The following PHKA1 variants were observed in gnomAD, a reference collection of about 807,000 sequenced individuals.
The protein encoded by PHKA1 is phosphorylase b kinase regulatory subunit alpha, skeletal muscle isoform.
A neutral mutation model predicts 110.2 loss-of-function variants in PHKA1; 60 were observed. That is an observed-to-expected ratio of 0.54 (90% CI 0.44 to 0.68). PHKA1 has a LOEUF of 0.68. PHKA1 is among the 30% of genes least tolerant of loss of function. The pLI, the probability that PHKA1 is intolerant of heterozygous loss-of-function variation, is 0.00. For missense variants in PHKA1, 801 were observed against 942.5 expected, an observed-to-expected ratio of 0.85 and a Z score of 1.97; for synonymous variants, 316 against 333.6, an observed-to-expected ratio of 0.95 and a Z score of 0.58.
At chrX:72,586,620 C>A (rs782223243) in intron 29 of PHKA1, among the ~76,000 whole-genome samples, 1 of 110,693 alleles carries the variant, frequency 9.0e-6, no homozygotes, top group Non-Finnish European at 1.9e-5. Context: ...AGGTTGGTAA[C>A]AACAAACTTC....
intron 2 of PHKA1, among the ~76,000 whole-genome samples, chrX:72,709,866 C>A (rs368398228): frequency 9.2e-6 from 1 of 108,939 alleles, no homozygotes; most frequent in Non-Finnish European, 1.9e-5. Context: ...CATGGTGAAA[C>A]CCCATCTCTA....
At chrX:72,602,866 T>A (rs1011740961) in intron 26 of PHKA1, among the ~76,000 whole-genome samples, 7 of 112,151 alleles carry the variant, frequency 6.2e-5, no homozygotes, top group Non-Finnish European at 1.3e-4. Flanking sequence ...AGGCTTAAGA[T>A]AATGTGAGGG....
intron 4 of PHKA1, among the ~76,000 whole-genome samples, chrX:72,693,161 G>T (rs1249776568): frequency 9.0e-6 from 1 of 110,565 alleles, no homozygotes; most frequent in East Asian, 2.8e-4. Flanking sequence ...TTCCATTTTG[G>T]TCATAGAACA....
At chrX:72,596,490 G>T (rs1414669858) in intron 28 of PHKA1, among the ~76,000 whole-genome samples, 1 of 111,074 alleles carries the variant, frequency 9.0e-6, no homozygotes, top group African/African-American at 3.3e-5. Context: ...TTTGTAAACA[G>T]CAGCAATGAA....
intron 28 of PHKA1, among the ~76,000 whole-genome samples, chrX:72,595,032 C>T (rs782385673): frequency 5.4e-5 from 6 of 111,245 alleles, no homozygotes; most frequent in Non-Finnish European, 9.4e-5. Context: ...AATATAGATG[C>T]GAAAATCCTC....
At chrX:72,652,112 G>A (rs781922793) in intron 12 of PHKA1, among the ~76,000 whole-genome samples, 2 of 112,088 alleles carry the variant, frequency 1.8e-5, no homozygotes, top group Non-Finnish European at 3.8e-5. Flanking sequence ...AAGTCATGAT[G>A]TTCCTAGTCA....
At chrX:72,683,319 T>A (rs2053932096) in intron 5 of PHKA1, among the ~76,000 whole-genome samples, 1 of 111,795 alleles carries the variant, frequency 8.9e-6, no homozygotes, top group South Asian at 3.7e-4. Flanking sequence ...ATACCTTTAG[T>A]CACAACTACT....
chrX:72,636,558 T>C (rs2053233397), intron 14 of PHKA1, among the ~76,000 whole-genome samples, 172 bp from the exon 15 acceptor site: 1 of 112,258 alleles, frequency 8.9e-6, no homozygotes, highest in South Asian at 3.7e-4. Context: ...TTTTACAGTT[T>C]AGCATTCTGA....
At chrX:72,653,312 C>T in intron 11 of PHKA1, 123 bp downstream of exon 11, 1 of 523,322 alleles carries the variant, frequency 1.9e-6, no homozygotes, top group East Asian at 3.7e-5. Context: ...TGTCCTGTAC[C>T]TAAAGACAAG....
chrX:72,661,735 T>G (rs1556304193), intron 8 of PHKA1, among the ~76,000 whole-genome samples: 2 of 91,262 alleles, frequency 2.2e-5, no homozygotes. Context: ...ATGTTTGGAA[T>G]GTACTGACAA....
Position 72,714,278 on chromosome X carries a change from C to G in PHKA1, c.-398G>C, listed in dbSNP as rs1556336251. On this transcript the variant is annotated 5_prime_UTR_variant, in exon 1 of 32. Transcript: ENST00000373542. ...CAGGTCAACGACCGCTGCGCCGCCT[C>G]CACCTTGCGGGAGACGCGAGCGGGA... The G allele has an allele frequency of 7.1e-6, 1 of 139,932 alleles. No individual in the cohort carries two copies. The highest frequency in any genetic ancestry group is 3.2e-5 in the African/African-American group (1 of 31,716). The allele number at this position is 139,932 out of a possible 1,213,427, so 11.5% of individuals were successfully genotyped here.
At chrX:72,711,093 C>T (rs1225809777) in intron 2 of PHKA1, among the ~76,000 whole-genome samples, 1 of 108,653 alleles carries the variant, frequency 9.2e-6, no homozygotes, top group Non-Finnish European at 1.9e-5. Flanking sequence ...GATCTCCTGA[C>T]CTCGTGATCC....
intron 6 of PHKA1, among the ~76,000 whole-genome samples, chrX:72,667,817 T>C (rs1282477731): frequency 8.9e-6 from 1 of 111,938 alleles, no homozygotes; most frequent in Non-Finnish European, 1.9e-5. Context: ...CTTACTTTTC[T>C]AAATATATTT....
intron 2 of PHKA1, chrX:72,712,476 T>C: frequency 2.9e-6 from 1 of 345,193 alleles, no homozygotes; most frequent in Non-Finnish European, 5.1e-6. Context: ...GACTACAAGA[T>C]AGATTAACTT....
chrX:72,662,089 T>G (rs1191365255), intron 8 of PHKA1, among the ~76,000 whole-genome samples: 1 of 111,991 alleles, frequency 8.9e-6, no homozygotes, highest in East Asian at 2.8e-4. Flanking sequence ...ACACCTGCAG[T>G]CCTTACTATA....
chrX:72,712,727 A>G, intron 2 of PHKA1, 52 bp downstream of exon 2: 1 of 1,138,408 alleles, frequency 8.8e-7, no homozygotes, highest in Non-Finnish European at 1.2e-6. Flanking sequence ...CTCTGCCCCC[A>G]ACCCCCAATC....
At position 72,580,623 on chromosome X, in the gene PHKA1, C is replaced by A; in HGVS notation, c.*379G>T. On this transcript the variant is annotated 3_prime_UTR_variant, in exon 32 of 32. Coordinates refer to ENST00000373542, the MANE Select transcript of PHKA1 (RefSeq NM_002637.4). Reference sequence around the variant, plus strand: ...CAATAAAATCACAAAAAAGAAAAACCAAGCTTTAGGAATAAGTTATTATTA... The same window carrying A: ...CAATAAAATCACAAAAAAGAAAAACAAAGCTTTAGGAATAAGTTATTATTA... 4.8e-6 allele frequency: 1 copy of A among 206,780 alleles called. No individual in the cohort carries two copies. Among genetic ancestry groups the A allele is most frequent in the Non-Finnish European group, 8.8e-6 (1 of 113,831 alleles). 17.0% of individuals were successfully genotyped at this position (206,780 alleles called of 1,213,427 possible).
chrX:72,619,343 T>C (rs782669478), intron 19 of PHKA1, 38 bp from the exon 20 acceptor site: 10 of 812,616 alleles, frequency 1.2e-5, no homozygotes, highest in East Asian at 6.5e-5. Flanking sequence ...TATTAGGTAA[T>C]TAGGAGACTA....
At position 72,635,206 on chromosome X, in the gene PHKA1, G is replaced by A. The variant is rs782648445; in HGVS notation, c.1663C>T (p.Arg555Trp). The change falls in exon 16 of 32, where the codon CGG becomes TGG. Residue 555 changes from arginine (R) to tryptophan (W), a missense_variant. Physicochemically the swap from Arg to Trp is moderately radical, Grantham distance 101 (BLOSUM62 -3). Around this residue, in one of 2 missense-constraint regions of PHKA1, gnomAD observed 299 missense variants for 423.3 expected, o/e 0.71. Transcript: ENST00000373542. ...GTGATGGTGGGCTGGCCTGTCATCC[G>A]CCAGCGGCTACAGAGGTAGGAGAGG... ...TDLSYLCSRW[R>W]MTGQPTITFP... The A allele has an allele frequency of 7.4e-6, 9 of 1,209,729 alleles. No individual in the cohort carries two copies. Among genetic ancestry groups the A allele is most frequent in the Admixed American group, 6.6e-5 (3 of 45,793 alleles).
Sources: allele counts gnomAD v4.1 joint callset (sites outside exome capture counted in the v4.1 genomes callset), GRCh38; gene constraint gnomAD v4.1.1; regional missense constraint gnomAD v4.1.1; transcripts MANE v1.5; gene names NCBI Gene and HGNC (gene_info 2026-07-23, HGNC 2026-07-21).